The following BUB1 variants were observed in gnomAD, a reference collection of about 807,000 sequenced individuals.
The protein encoded by BUB1 is BUB1 mitotic checkpoint serine/threonine kinase.
In BUB1, 84 loss-of-function variants were observed where a neutral mutation model predicts 135.2. That is an observed-to-expected ratio of 0.62 (90% CI 0.52 to 0.74). The LOEUF (loss-of-function observed/expected upper bound fraction) is 0.74. Ranked by LOEUF, BUB1 falls within the 30% of genes least tolerant of loss-of-function variation. The pLI, the probability that BUB1 is intolerant of heterozygous loss-of-function variation, is 0.00. For synonymous variants in BUB1, 403 were observed against 434.4 expected, an observed-to-expected ratio of 0.93 and a Z score of 0.90; for missense variants, 1,162 against 1,288.3, an observed-to-expected ratio of 0.90 and a Z score of 1.50.
At chr2:110,653,605 T>C in intron 16 of BUB1, 82 bp from the exon 17 acceptor site, 2 of 1,166,206 alleles carry the variant, frequency 1.7e-6, no homozygotes, top group East Asian at 2.4e-5. Context: ...GGTTACAAAG[T>C]CTAGGATTTC....
In BUB1 at chr2:110,674,153, A is replaced by G. The variant is rs1690507996; in HGVS notation, c.158T>C (p.Met53Thr). The G allele has an allele frequency of 1.0e-5, 16 of 1,586,638 alleles. No homozygotes were observed. Among genetic ancestry groups the G allele is most frequent in the Admixed American group, 1.7e-5 (1 of 59,806 alleles). ...EYLITLLEHLMKEFLDKKKYH... is the reference protein window; with the variant it reads ...EYLITLLEHLTKEFLDKKKYH... ...TTTCTTCTTATCTAAAAATTCCTTC[A>G]TTAAATGTTCTAGTAAAGTTATCAA... The change falls in exon 3 of 25, where the codon ATG becomes ACG. Residue 53 changes from methionine to threonine, a missense_variant. Physicochemically the swap from Met to Thr is moderately conservative, Grantham distance 81. Transcript: ENST00000302759.
At position 110,670,521 on chromosome 2, in the gene BUB1, T is replaced by A; in HGVS notation, c.466+4A>T. 2 of 1,613,972 alleles carry A rather than the reference T, an allele frequency of 1.2e-6. No homozygotes were observed. The highest frequency in any genetic ancestry group is 1.7e-6 in the Non-Finnish European group (2 of 1,179,846). On this transcript the variant is annotated splice_donor_region_variant and intron_variant, in intron 5 of 24. Transcript: ENST00000302759. The stretch of plus-strand genomic sequence containing the variant: ...AACAGGCATTTTAGAAAGCCTGATT[T>A]TACCTTGAGCTGGCAAATGGGTTTC...
intron 16 of BUB1, 38 bp from the exon 17 acceptor site, chr2:110,653,561 T>C (rs1689839308): frequency 6.7e-7 from 1 of 1,497,440 alleles, no homozygotes; most frequent in South Asian, 1.1e-5. Flanking sequence ...ATATGTTAGA[T>C]GCACATGTGT....
intron 3 of BUB1, among the ~76,000 whole-genome samples, chr2:110,673,134 A>T (rs575067125): frequency 1.3e-5 from 2 of 152,276 alleles, no homozygotes; most frequent in African/African-American, 4.8e-5. Flanking sequence ...AAAACGATAG[A>T]GCTTAGACAA....
chr2:110,654,763 C>T (rs1456698570), intron 16 of BUB1, among the ~76,000 whole-genome samples: 1 of 151,602 alleles, frequency 6.6e-6, no homozygotes, highest in East Asian at 1.9e-4. Context: ...CTAAGAAATC[C>T]TTGGTCAAAA....
At chr2:110,646,026 C>T (rs939350308) in intron 19 of BUB1, among the ~76,000 whole-genome samples, 1 of 151,758 alleles carries the variant, frequency 6.6e-6, no homozygotes, top group Non-Finnish European at 1.5e-5. Context: ...ACTTCAACAC[C>T]CTTCCATCAG....
chr2:110,677,492 AT>A (rs201389484), intron 1 of BUB1, among the ~76,000 whole-genome samples: 4 of 151,578 alleles, frequency 2.6e-5, no homozygotes, highest in South Asian at 2.1e-4. Context: ...TTTTTTTTCA[AT>A]TTTTTTTTCT....
intron 12 of BUB1, 44 bp from the exon 13 acceptor site, chr2:110,658,564 C>T: frequency 6.2e-7 from 1 of 1,613,758 alleles, no homozygotes; most frequent in South Asian, 1.1e-5. Flanking sequence ...TGCAAAAGAG[C>T]TTTCATTAAC....
rs753516406 is a variant in BUB1 at position 110,677,951 on chromosome 2, C to A, written c.26+19G>T. 1.9e-6 allele frequency: 3 copies of A among 1,606,580 alleles called. No homozygotes were observed. Among genetic ancestry groups the A allele is most frequent in the Admixed American group, 3.4e-5 (2 of 59,032 alleles). On this transcript the variant is annotated intron_variant, in intron 1 of 24. Coordinates refer to ENST00000302759, the MANE Select transcript of BUB1 (RefSeq NM_004336.5). ...CCCCAGCCCCCTGGGCTTCCCCACC[C>A]CACCAGACGGACACTTACTGAAGGA... is the stretch of plus-strand genomic sequence containing the variant.
intron 9 of BUB1, 48 bp from the exon 10 acceptor site, chr2:110,661,889 G>C (rs771472142): frequency 6.3e-7 from 1 of 1,592,364 alleles, no homozygotes. Context: ...ATGAAGTCCA[G>C]AATACTACTA....
At chr2:110,669,091 T>C (rs1269035815) in intron 6 of BUB1, among the ~76,000 whole-genome samples, 2 of 152,160 alleles carry the variant, frequency 1.3e-5, no homozygotes, top group Non-Finnish European at 2.9e-5. Context: ...CTCTGAGTTT[T>C]GAAAGCCAGG....
Position 110,641,038 on chromosome 2 carries a change from T to C in BUB1, c.2951A>G (p.Tyr984Cys). Residue 984 changes from tyrosine (Y) to cysteine (C), a missense_variant, in exon 23 of 25, where the codon TAC (tyrosine) becomes TGC (cysteine). Tyr to Cys is a radical substitution (Grantham distance 194). Transcript: ENST00000302759. ...VEMLSNKPWN[Y>C]QIDYFGVAAT... ...TCCCTCACTTTAGTTTTATACCTGG[T>C]AGTTCCATGGTTTGTTGCTGAGCAT... is the stretch of plus-strand genomic sequence containing the variant. 1 of 1,569,190 alleles carries C rather than the reference T, an allele frequency of 6.4e-7. No homozygotes were observed. Among genetic ancestry groups the C allele is most frequent in the Non-Finnish European group, 8.6e-7 (1 of 1,160,468 alleles).
At chr2:110,651,947 CTGA>C (rs1298839937) in intron 17 of BUB1, among the ~76,000 whole-genome samples, 1 of 152,012 alleles carries the variant, frequency 6.6e-6, no homozygotes, top group Non-Finnish European at 1.5e-5. Context: ...TAAATACACT[CTGA>C]TGTTCATGTA....
At chr2:110,666,232 C>G in intron 9 of BUB1, 31 bp downstream of exon 9, 1 of 1,321,936 alleles carries the variant, frequency 7.6e-7, no homozygotes, top group Non-Finnish European at 9.7e-7. Context: ...TGCTGCTGGG[C>G]ACAGGATGTG....
chr2:110,661,997 G>T, intron 9 of BUB1, 156 bp from the exon 10 acceptor site: 3 of 867,120 alleles, frequency 3.5e-6, no homozygotes, highest in South Asian at 3.7e-5. Context: ...ATTCTGAAAT[G>T]TACAGTCAAC....
intron 9 of BUB1, among the ~76,000 whole-genome samples, chr2:110,663,824 C>T (rs185106355): frequency 1.3e-4 from 20 of 152,058 alleles, no homozygotes; most frequent in Admixed American, 1.2e-3. Context: ...GTCAGGAGAT[C>T]AAGACCATCC....
chr2:110,675,765 C>T (rs1444801163), intron 1 of BUB1, among the ~76,000 whole-genome samples: 4 of 152,184 alleles, frequency 2.6e-5, no homozygotes, highest in Admixed American at 6.5e-5. Context: ...GATCCTCCTG[C>T]CTCAGCCTCC....
chr2:110,658,217 T>TC (rs1293548631), intron 13 of BUB1, among the ~76,000 whole-genome samples, 193 bp downstream of exon 13: 12 of 151,644 alleles, frequency 7.9e-5, no homozygotes, highest in Non-Finnish European at 1.3e-4. Context: ...TTTTTTTTTT[T>TC]CCCTTTAATC....
At chr2:110,671,777 C>T (rs1690430469) in intron 4 of BUB1, among the ~76,000 whole-genome samples, 1 of 152,132 alleles carries the variant, frequency 6.6e-6, no homozygotes, top group African/African-American at 2.4e-5. Flanking sequence ...GTACATAAAG[C>T]ATGCATGCAA....
Sources: gnomAD v4.1 joint callset for allele counts (sites outside exome capture counted in the v4.1 genomes callset) on GRCh38, gnomAD v4.1.1 for gene constraint, MANE v1.5 for transcripts, NCBI Gene and HGNC (gene_info 2026-07-23, HGNC 2026-07-21) for gene names.